Variants in UAP1 observed in about 807,000 individuals in gnomAD.
UAP1 encodes UDP-N-acetylglucosamine pyrophosphorylase 1.
In UAP1, 25 loss-of-function variants were observed where a neutral mutation model predicts 58.5. That is an observed-to-expected ratio of 0.43 (90% CI 0.31 to 0.60). The LOEUF (loss-of-function observed/expected upper bound fraction) is 0.60, where lower values mean the gene tolerates loss of function less well. UAP1 is among the 20% of genes least tolerant of loss of function. The pLI is 0.11. For missense variants in UAP1, 575 were observed against 630.0 expected, an observed-to-expected ratio of 0.91 and a Z score of 0.93; for synonymous variants, 208 against 213.0, an observed-to-expected ratio of 0.98 and a Z score of 0.21.
chr1:162,566,327 C>T (rs972152889), exon 2 of UAP1: 3 of 1,613,622 alleles, frequency 1.9e-6, no homozygotes, highest in Non-Finnish European at 2.5e-6. Context: ...TCAAGATCAG[C>T]TCCAGGCCTG....
chr1:162,563,867 G>A (rs1653332888), intron 1 of UAP1, among the ~76,000 whole-genome samples: 1 of 152,126 alleles, frequency 6.6e-6, no homozygotes, highest in South Asian at 2.1e-4. Context: ...ATATTCATGA[G>A]GAAATCTATG....
At chr1:162,581,210 C>T in intron 4 of UAP1, 77 bp from the exon 5 acceptor site, 14 of 1,463,254 alleles carry the variant, frequency 9.6e-6, no homozygotes, top group South Asian at 3.0e-5. Context: ...GGATCTTAAC[C>T]CTAGTTTGGA....
intron 8 of UAP1, 116 bp downstream of exon 8, chr1:162,590,627 A>T: frequency 1.4e-6 from 1 of 725,614 alleles, no homozygotes; most frequent in Non-Finnish European, 2.1e-6. Flanking sequence ...CAAAGTTTTG[A>T]TGTGTGAACA....
intron 9 of UAP1, among the ~76,000 whole-genome samples, chr1:162,594,195 C>T (rs1655489486): frequency 6.6e-6 from 1 of 152,032 alleles, no homozygotes; most frequent in Admixed American, 6.6e-5. Context: ...TCAGTGGGAG[C>T]CCTGAGCTTG....
intron 1 of UAP1, among the ~76,000 whole-genome samples, chr1:162,565,406 C>G (rs1292396071): frequency 2.0e-5 from 3 of 152,100 alleles, no homozygotes; most frequent in African/African-American, 7.2e-5. Flanking sequence ...AAGGAGGATC[C>G]AAGTTTTTAA....
chr1:162,579,593 T>C, exon 4 of UAP1: 1 of 1,589,438 alleles, frequency 6.3e-7, no homozygotes, highest in Non-Finnish European at 8.6e-7. Flanking sequence ...ACAAAGTTTC[T>C]ATGGCTCCAG....
intron 9 of UAP1, among the ~76,000 whole-genome samples, chr1:162,596,130 G>A (rs1269282162): frequency 6.6e-6 from 1 of 151,842 alleles, no homozygotes; most frequent in Non-Finnish European, 1.5e-5. Flanking sequence ...TGAGATTATA[G>A]GCATGAGCCA....
intron 2 of UAP1, among the ~76,000 whole-genome samples, chr1:162,575,703 T>C (rs932222941): frequency 4.6e-5 from 7 of 151,002 alleles, no homozygotes; most frequent in Non-Finnish European, 8.8e-5. Context: ...TTTTATGTTT[T>C]TGTATTTTGT....
chr1:162,573,947 G>A (rs1654018186), intron 2 of UAP1, among the ~76,000 whole-genome samples: 1 of 151,560 alleles, frequency 6.6e-6, no homozygotes, highest in South Asian at 2.1e-4. Context: ...CTGGGTGACA[G>A]TGTGAGACTC....
chr1:162,570,574 C>T (rs1311771911), intron 2 of UAP1, among the ~76,000 whole-genome samples: 1 of 152,018 alleles, frequency 6.6e-6, no homozygotes, highest in Non-Finnish European at 1.5e-5. Flanking sequence ...TGTTTTCTTA[C>T]TAATCACATG....
At chr1:162,566,835 C>T (rs377583553) in intron 2 of UAP1, among the ~76,000 whole-genome samples, 1 of 152,254 alleles carries the variant, frequency 6.6e-6, no homozygotes, top group South Asian at 2.1e-4. Context: ...CCATGTTGGC[C>T]AGCATGGTCT....
At chr1:162,569,976 C>T (rs1221203311) in intron 2 of UAP1, among the ~76,000 whole-genome samples, 8 of 152,084 alleles carry the variant, frequency 5.3e-5, no homozygotes, top group South Asian at 2.1e-4. Flanking sequence ...GATGAAACCC[C>T]GTCTGTACTA....
intron 2 of UAP1, among the ~76,000 whole-genome samples, chr1:162,574,677 T>A (rs949116418): frequency 6.6e-6 from 1 of 152,216 alleles, no homozygotes; most frequent in Admixed American, 6.5e-5. Flanking sequence ...ATAGTTTTTC[T>A]AGCTTGCCAG....
intron 10 of UAP1, 110 bp from the exon 11 acceptor site, chr1:162,599,161 C>T (rs1037595372): frequency 8.5e-6 from 5 of 589,462 alleles, no homozygotes; most frequent in Non-Finnish European, 1.5e-5. Flanking sequence ...TTATATTCTG[C>T]ATCTCAACCT....
intron 2 of UAP1, among the ~76,000 whole-genome samples, chr1:162,574,265 G>A (rs1158446193): frequency 6.6e-6 from 1 of 151,778 alleles, no homozygotes; most frequent in Non-Finnish European, 1.5e-5. Flanking sequence ...GCTAATTTTT[G>A]TATTTTCAGT....
intron 9 of UAP1, among the ~76,000 whole-genome samples, chr1:162,596,300 G>A (rs562811083): frequency 1.3e-5 from 2 of 151,308 alleles, no homozygotes; most frequent in East Asian, 1.9e-4. Context: ...CTCAGCCTCC[G>A]GAGTAGCTGG....
intron 5 of UAP1, among the ~76,000 whole-genome samples, chr1:162,582,611 A>C (rs1654656783): frequency 6.6e-6 from 1 of 152,238 alleles, no homozygotes; most frequent in African/African-American, 2.4e-5. Context: ...TTAAATATTT[A>C]AAAATGAAAT....
At chr1:162,579,407 G>T (rs1654441323) in intron 3 of UAP1, 21 bp from the exon 4 acceptor site, 1 of 1,463,186 alleles carries the variant, frequency 6.8e-7, no homozygotes, top group South Asian at 1.5e-5. Context: ...TTGCTTAGAA[G>T]ATCTGATTTT....
intron 2 of UAP1, among the ~76,000 whole-genome samples, chr1:162,568,214 AC>A (rs1040343531): frequency 2.0e-5 from 3 of 151,958 alleles, no homozygotes; most frequent in Non-Finnish European, 2.9e-5. Context: ...GCATCCCCTT[AC>A]CCCCTGTAAA....
Sources: allele counts gnomAD v4.1 joint callset (sites outside exome capture counted in the v4.1 genomes callset), GRCh38; gene constraint gnomAD v4.1.1; transcripts MANE v1.5; gene names NCBI Gene and HGNC (gene_info 2026-07-23, HGNC 2026-07-21).